GATA4: variants seen among roughly 807,000 people sequenced by gnomAD.
The protein encoded by GATA4 is transcription factor GATA-4.
GATA4 carries 7 observed loss-of-function variants against 37.9 expected under a neutral mutation model. That is an observed-to-expected ratio of 0.18 (90% confidence interval 0.11 to 0.35). GATA4 has a LOEUF of 0.35. GATA4 is among the 10% of genes least tolerant of loss of function. GATA4 has a pLI of 1.00. For missense variants in GATA4, 647 were observed against 653.0 expected, an observed-to-expected ratio of 0.99 and a Z score of 0.10; for synonymous variants, 372 against 292.6, an observed-to-expected ratio of 1.27 and a Z score of -2.77.
At chr8:11,742,655 G>A (rs1053554264) in intron 2 of GATA4, among the ~76,000 whole-genome samples, 2 of 152,250 alleles carry the variant, frequency 1.3e-5, no homozygotes, top group Non-Finnish European at 2.9e-5. Context: ...CGCTGGAGCT[G>A]TGTGGGCCTC....
rs898091616 is a variant in GATA4, at chr8:11,709,597, C to G, written c.616+669C>G. 1.3e-5 allele frequency among the ~76,000 whole-genome samples: 2 copies of G among 150,428 alleles called. No individual in the cohort carries two copies. Among genetic ancestry groups the G allele is most frequent in the Admixed American group, 6.6e-5 (1 of 15,148 alleles). ...CAGCGGGGGGGGGGGCGCACACGCCCGGTCAGTGTCCGGGAACATAGGGAC... is the reference window on the plus strand; with the variant it reads ...CAGCGGGGGGGGGGGCGCACACGCCGGGTCAGTGTCCGGGAACATAGGGAC... On this transcript the variant is annotated intron_variant, in intron 2 of 6. Coordinates refer to ENST00000532059, the MANE Select transcript of GATA4 (RefSeq NM_001308093.3). The surrounding 1 kb of genome is among the most constrained non-coding windows in gnomAD (Gnocchi z 4.3).
Position 11,709,936 on chromosome 8 carries a change from G to A in GATA4, c.616+1008G>A, listed in dbSNP as rs893769665. Among the ~76,000 whole-genome samples the A allele has an allele frequency of 6.6e-6, 1 of 152,198 alleles. No individual in the cohort carries two copies. Among genetic ancestry groups the A allele is most frequent in the African/African-American group, 2.4e-5 (1 of 41,446 alleles). On this transcript the variant is annotated intron_variant, in intron 2 of 6. Coordinates refer to ENST00000532059, the MANE Select transcript of GATA4 (RefSeq NM_001308093.3). The surrounding 1 kb of genome is among the most constrained non-coding windows in gnomAD (Gnocchi z 4.3). ...CGGGAAGAGACGGAGGAGTGAGTTT[G>A]GATTGAGCCCACCCTGTGGGGGAGG...
chr8:11,754,917 C>T (rs886788980), intron 4 of GATA4, 129 bp from the exon 5 acceptor site: 12 of 736,596 alleles, frequency 1.6e-5, no homozygotes, highest in African/African-American at 1.1e-4. Context: ...CTGTGCAGCC[C>T]GTCTGGGCCC....
At chr8:11,678,431 C>G (rs1194931869) in intron 1 of GATA4, among the ~76,000 whole-genome samples, 1 of 152,202 alleles carries the variant, frequency 6.6e-6, no homozygotes, top group African/African-American at 2.4e-5. Context: ...CATTGCTTAT[C>G]TTTCCCCTGC....
chr8:11,758,517 C>G lies in GATA4; in HGVS notation c.*42C>G. On this transcript the variant is annotated 3_prime_UTR_variant, in exon 7 of 7. Coordinates refer to ENST00000532059, the MANE Select transcript of GATA4 (RefSeq NM_001308093.3). ...CTCAAATTCCTGCACGGACCTGGGA[C>G]TTGGAGGATAGCAAAGAAGGAGGCC... The G allele has an allele frequency of 6.2e-7, 1 of 1,605,876 alleles. No individual in the cohort carries two copies. The highest frequency in any genetic ancestry group is 2.2e-5 in the East Asian group (1 of 44,826).
intron 2 of GATA4, among the ~76,000 whole-genome samples, chr8:11,731,220 T>A (rs1310765399): frequency 2.0e-5 from 3 of 152,228 alleles, no homozygotes; most frequent in Admixed American, 6.5e-5. Context: ...GTGATCCACA[T>A]TTGATTGATG....
chr8:11,741,361 C>A (rs1326246371), intron 2 of GATA4, among the ~76,000 whole-genome samples: 1 of 152,058 alleles, frequency 6.6e-6, no homozygotes, highest in South Asian at 2.1e-4. Context: ...CAACTGTAGT[C>A]CCAGCTACTC....
chr8:11,737,000 A>G (rs1421401178), intron 2 of GATA4, among the ~76,000 whole-genome samples: 3 of 152,016 alleles, frequency 2.0e-5, no homozygotes, highest in South Asian at 2.1e-4. Flanking sequence ...TTAGAACTAA[A>G]CAGATCCCTT....
chr8:11,686,205 G>T (rs1452726384), intron 1 of GATA4, among the ~76,000 whole-genome samples: 1 of 138,438 alleles, frequency 7.2e-6, no homozygotes, highest in South Asian at 2.3e-4. Context: ...AAAAGATCTT[G>T]TACTGGGTCT....
At position 11,708,543 on chromosome 8, in the gene GATA4, T is replaced by G; in HGVS notation, c.231T>G (p.Gly77=). ...SGGSSGGAAS[G]AGPGTQQGSP... ...GCAGCTCCGGTGGGGCCGCGTCTGG[T>G]GCGGGGCCCGGGACCCAGCAGGGCA... The change falls in exon 2 of 7, where the codon GGT becomes GGG. Residue 77 remains glycine (G), a synonymous_variant. Coordinates refer to ENST00000532059, the MANE Select transcript of GATA4 (RefSeq NM_001308093.3). The surrounding 1 kb of genome is among the most constrained non-coding windows in gnomAD (Gnocchi z 6.7). The G allele has an allele frequency of 7.0e-7, 1 of 1,432,128 alleles. No homozygotes were observed. Among genetic ancestry groups the G allele is most frequent in the Non-Finnish European group, 9.1e-7 (1 of 1,100,558 alleles). 88.7% of individuals were successfully genotyped at this position (1,432,128 alleles called of 1,614,324 possible). A position where few individuals can be genotyped will look rare whatever the true frequency, so the allele number is the denominator to read the frequency against.
At chr8:11,731,447 C>T (rs1382625734) in intron 2 of GATA4, among the ~76,000 whole-genome samples, 5 of 152,238 alleles carry the variant, frequency 3.3e-5, no homozygotes, top group Non-Finnish European at 7.3e-5. Flanking sequence ...ATCCTGAAGA[C>T]ATTACGCTAA....
In GATA4 at chr8:11,750,185, G is replaced by A. The variant is rs757208344; in HGVS notation, c.861G>A (p.Ala287=). 3.1e-5 allele frequency: 50 copies of A among 1,613,614 alleles called. No homozygotes were observed. The highest frequency in any genetic ancestry group is 2.5e-4 in the Admixed American group (15 of 60,012). ...CCACCACGCTGTGGCGCCGCAATGC[G>A]GAGGGCGAGCCTGTGTGCAATGCCT... The part of the protein sequence containing the change: ...TTTTTLWRRN[A]EGEPVCNACG... Residue 287 remains alanine, a synonymous_variant, in exon 4 of 7, where the codon GCG becomes GCA. Transcript: ENST00000532059.
intron 2 of GATA4, among the ~76,000 whole-genome samples, chr8:11,729,948 G>GAAC (rs940591062): frequency 1.3e-5 from 2 of 152,012 alleles, no homozygotes; most frequent in Non-Finnish European, 1.5e-5. Context: ...GTTTTTGAGA[G>GAAC]AAGGTCTTGC....
intron 5 of GATA4, 97 bp downstream of exon 5, chr8:11,755,230 C>G: frequency 1.0e-6 from 1 of 970,258 alleles, no homozygotes; most frequent in South Asian, 1.4e-5. Context: ...CAGCCCGGGC[C>G]GCCAGGGGGT....
At chr8:11,732,549 A>G (rs1163002375) in intron 2 of GATA4, among the ~76,000 whole-genome samples, 3 of 152,378 alleles carry the variant, frequency 2.0e-5, no homozygotes, top group Non-Finnish European at 2.9e-5. Flanking sequence ...ACTAACTGCT[A>G]TTGCAAAACA....
At chr8:11,746,548 C>T (rs1460580226) in intron 2 of GATA4, among the ~76,000 whole-genome samples, 1 of 152,228 alleles carries the variant, frequency 6.6e-6, no homozygotes, top group African/African-American at 2.4e-5. Context: ...AACAAAACGA[C>T]GACGTTGCCC....
chr8:11,689,823 C>T (rs1799254398), upstream of GATA4, among the ~76,000 whole-genome samples: 2 of 152,180 alleles, frequency 1.3e-5, no homozygotes, highest in African/African-American at 4.8e-5. Flanking sequence ...GATCCTCTCA[C>T]CCTACTGATT....
intron 2 of GATA4, among the ~76,000 whole-genome samples, chr8:11,736,601 G>T (rs925435430): frequency 1.3e-5 from 2 of 152,258 alleles, no homozygotes; most frequent in Non-Finnish European, 1.5e-5. Context: ...ACCCCGGGGG[G>T]TGTGGATGTG....
intron 1 of GATA4, chr8:11,681,403 A>T (rs1798966125): frequency 1.0e-6 from 1 of 984,238 alleles, no homozygotes; most frequent in Non-Finnish European, 1.2e-6. Context: ...TTCCGGGATC[A>T]CGCGTGGCTC....
Sources: gnomAD v4.1 joint callset for allele counts (sites outside exome capture counted in the v4.1 genomes callset) on GRCh38, gnomAD v4.1.1 for gene constraint, Gnocchi (gnomAD v3.1) non-coding constraint, MANE v1.5 for transcripts, NCBI Gene and HGNC (gene_info 2026-07-23, HGNC 2026-07-21) for gene names.